The following EPS15 variants were observed in gnomAD, a reference collection of about 807,000 sequenced individuals.
The protein encoded by EPS15 is epidermal growth factor receptor pathway substrate 15.
In EPS15, 72 loss-of-function variants were observed where a neutral mutation model predicts 113.8. The observed-to-expected ratio is 0.63, with a 90% CI of 0.52 to 0.77. The LOEUF is 0.77. Among genes scored for constraint, EPS15 ranks in the 30% least tolerant of loss-of-function variants. The pLI, the probability that EPS15 is intolerant of heterozygous loss-of-function variation, is 0.00. For missense variants in EPS15, 1,048 were observed against 1,045.8 expected, an observed-to-expected ratio of 1.00 and a Z score of -0.03; for synonymous variants, 344 against 363.4, an observed-to-expected ratio of 0.95 and a Z score of 0.61.
At chr1:51,371,798 C>G (rs1310559743) in intron 21 of EPS15, among the ~76,000 whole-genome samples, 5 of 152,188 alleles carry the variant, frequency 3.3e-5, no homozygotes, top group Non-Finnish European at 7.3e-5. Flanking sequence ...TTCACTATTA[C>G]TTGACTCACT....
intron 21 of EPS15, among the ~76,000 whole-genome samples, chr1:51,387,417 A>G (rs1180950444): frequency 2.6e-5 from 4 of 152,148 alleles, no homozygotes; most frequent in Non-Finnish European, 5.9e-5. Flanking sequence ...TCAACTAATG[A>G]GCAAAATCAC....
At chr1:51,461,229 T>C (rs1570356306) in intron 7 of EPS15, 79 bp from the exon 8 acceptor site, 23 of 1,080,076 alleles carry the variant, frequency 2.1e-5, no homozygotes, top group Non-Finnish European at 3.0e-5. Context: ...AGAAAGTTTA[T>C]GAGCTAGGAA....
intron 21 of EPS15, among the ~76,000 whole-genome samples, chr1:51,374,357 C>T (rs1397082626): frequency 6.6e-6 from 1 of 152,176 alleles, no homozygotes; most frequent in Non-Finnish European, 1.5e-5. Flanking sequence ...TTGCTCATGC[C>T]TGTAATCCCA....
At chr1:51,409,426 G>A (rs1649477560) in intron 14 of EPS15, 109 bp downstream of exon 14, 11 of 1,035,066 alleles carry the variant, frequency 1.1e-5, no homozygotes, top group Non-Finnish European at 1.1e-5. Context: ...ATGCTGACTG[G>A]ATTGCCAACC....
intron 2 of EPS15, 64 bp from the exon 3 acceptor site, chr1:51,473,012 C>A: frequency 4.0e-6 from 5 of 1,234,864 alleles, no homozygotes; most frequent in Non-Finnish European, 6.0e-6. Context: ...CACCATTTAC[C>A]TGCCTTCCAT....
intron 14 of EPS15, among the ~76,000 whole-genome samples, chr1:51,408,753 G>A (rs1050302423): frequency 6.6e-6 from 1 of 150,732 alleles, no homozygotes; most frequent in African/African-American, 2.5e-5. Context: ...TCAGCCTCTC[G>A]AGTAGGTGGG....
chr1:51,503,105 C>T (rs1644440842), intron 1 of EPS15, among the ~76,000 whole-genome samples: 2 of 151,354 alleles, frequency 1.3e-5, no homozygotes, highest in South Asian at 4.2e-4. Context: ...ACTTACTATA[C>T]TCTAAAAACT....
intron 24 of EPS15, among the ~76,000 whole-genome samples, chr1:51,358,091 T>C (rs1217409401): frequency 6.6e-6 from 1 of 152,036 alleles, no homozygotes; most frequent in African/African-American, 2.4e-5. Flanking sequence ...GCCAATTGCT[T>C]GAGCTCAGAA....
At chr1:51,396,518 C>T (rs1415805800) in intron 20 of EPS15, among the ~76,000 whole-genome samples, 2 of 152,200 alleles carry the variant, frequency 1.3e-5, no homozygotes, top group Non-Finnish European at 2.9e-5. Flanking sequence ...TGTATTATTA[C>T]TTCTTCTCTT....
intron 1 of EPS15, among the ~76,000 whole-genome samples, chr1:51,494,158 A>C (rs1439102310): frequency 6.6e-6 from 1 of 152,178 alleles, no homozygotes; most frequent in Non-Finnish European, 1.5e-5. Context: ...TCAACAGTGA[A>C]CACATATATT....
At position 51,441,222 on chromosome 1, in the gene EPS15, C is replaced by A. The variant is rs570033964; in HGVS notation, c.955-790G>T. ...AATAATGTGATGTGACATCAGTCTA[C>A]AAACTGTGATATTTTATAAATGTAA... On this transcript the variant is annotated intron_variant, in intron 11 of 24. Transcript: ENST00000371733. Among the ~76,000 whole-genome samples, 25 of 152,160 alleles carry A rather than the reference C, an allele frequency of 1.6e-4. No individual in the cohort carries two copies. In the East Asian group the frequency reaches 3.7e-3, roughly 22 times the overall value.
intron 2 of EPS15, among the ~76,000 whole-genome samples, chr1:51,479,699 CT>C (rs1390511373): frequency 6.6e-6 from 1 of 152,196 alleles, no homozygotes; most frequent in Non-Finnish European, 1.5e-5. Context: ...ATTTGTTTTT[CT>C]TCTTAGGATG....
chr1:51,431,194 A>C (rs191445484), intron 12 of EPS15, among the ~76,000 whole-genome samples: 1 of 152,280 alleles, frequency 6.6e-6, no homozygotes, highest in African/African-American at 2.4e-5. Context: ...ATTAAAGATA[A>C]ATTCTGTGAA....
At chr1:51,497,114 T>C (rs1296807382) in intron 1 of EPS15, among the ~76,000 whole-genome samples, 1 of 152,216 alleles carries the variant, frequency 6.6e-6, no homozygotes, top group Admixed American at 6.5e-5. Context: ...AGAAGACACT[T>C]AGGAGTTCAA....
chr1:51,427,914 CAA>C (rs1223581261), intron 12 of EPS15, among the ~76,000 whole-genome samples: 1 of 152,060 alleles, frequency 6.6e-6, no homozygotes, highest in South Asian at 2.1e-4. Context: ...AGGATAAACA[CAA>C]AAAGACTCAC....
At chr1:51,361,774 A>G (rs779088076) in intron 23 of EPS15, among the ~76,000 whole-genome samples, 1 of 152,230 alleles carries the variant, frequency 6.6e-6, no homozygotes, top group Non-Finnish European at 1.5e-5. Flanking sequence ...GTTATCCACT[A>G]GTGGCAGTAA....
intron 12 of EPS15, 104 bp from the exon 13 acceptor site, chr1:51,421,962 A>T: frequency 6.7e-7 from 1 of 1,495,420 alleles, no homozygotes; most frequent in Non-Finnish European, 9.0e-7. Flanking sequence ...TACATAGTGA[A>T]ACATTCAATT....
At chr1:51,459,257 G>C (rs1654249634) in intron 8 of EPS15, 1 of 152,268 alleles carries the variant, frequency 6.6e-6, no homozygotes. Context: ...AGCACTTTGG[G>C]AGGCTGAGGC....
chr1:51,426,658 A>G (rs2148456089), intron 12 of EPS15, among the ~76,000 whole-genome samples: 1 of 151,900 alleles, frequency 6.6e-6, no homozygotes, highest in South Asian at 2.1e-4. Flanking sequence ...GCATTAAGAA[A>G]AGATGAGGTC....
Sources: gnomAD v4.1 joint callset for allele counts (sites outside exome capture counted in the v4.1 genomes callset) on GRCh38, gnomAD v4.1.1 for gene constraint, MANE v1.5 for transcripts, NCBI Gene and HGNC (gene_info 2026-07-23, HGNC 2026-07-21) for gene names.